GRIP1: variants seen among roughly 807,000 people sequenced by gnomAD.
GRIP1 encodes the protein glutamate receptor-interacting protein 1.
Under a neutral mutation model 129.9 loss-of-function variants are expected in GRIP1, and 45 were observed. The observed-to-expected ratio is 0.35, with a 90% CI of 0.27 to 0.44. The LOEUF is 0.44. Ranked by LOEUF, GRIP1 falls within the 20% of genes least tolerant of loss-of-function variation. The pLI is 1.00. For missense variants in GRIP1, 1,196 were observed against 1,396.8 expected (o/e 0.86, Z 2.29); for synonymous variants, 530 against 520.8 (o/e 1.02, Z -0.24).
At position 66,892,581 on chromosome 12, in the gene GRIP1, C is replaced by CTT. The variant is rs2040679466; in HGVS notation, c.58+176467_58+176468dup. On this transcript the variant is annotated intron_variant, in intron 1 of 1. Transcript: ENST00000643019. The stretch of plus-strand genomic sequence containing the variant: ...GTCTACCACTCTTTTCATTTACTCA[C>CTT]TTATATATATATATACACATATATA... 2.5e-5 allele frequency among the ~76,000 whole-genome samples: 3 copies of CTT among 122,444 alleles called. No individual in the cohort carries two copies. In the South Asian group the frequency reaches 8.4e-4, roughly 34 times the overall value. The allele number at this position is 122,444 out of a possible 152,430, so 80.3% of individuals were successfully genotyped here. A position where few individuals can be genotyped will look rare whatever the true frequency, so the allele number is the denominator to read the frequency against.
At chr12:66,477,486 T>A (rs1051187970) in intron 7 of GRIP1, among the ~76,000 whole-genome samples, 39 of 152,074 alleles carry the variant, frequency 2.6e-4, no homozygotes, top group African/African-American at 9.2e-4. Context: ...GCCATCCCCA[T>A]CAAGCTACCA....
chr12:66,817,919 A>G (rs2039252711), intron 1 of GRIP1, among the ~76,000 whole-genome samples: 1 of 152,184 alleles, frequency 6.6e-6, no homozygotes, highest in Admixed American at 6.5e-5. Flanking sequence ...TCTACATTCG[A>G]TCTGTTGCAA....
intron 1 of GRIP1, among the ~76,000 whole-genome samples, chr12:66,941,517 T>A (rs1366882981): frequency 6.6e-6 from 1 of 152,210 alleles, no homozygotes; most frequent in African/African-American, 2.4e-5. Flanking sequence ...CTGAGCTACA[T>A]AGCATAAATC....
At position 66,565,423 on chromosome 12, in the gene GRIP1, T is replaced by C. The variant is rs191311429; in HGVS notation, c.137-23473A>G. On this transcript the variant is annotated intron_variant, in intron 2 of 24. Coordinates refer to ENST00000359742, the MANE Select transcript of GRIP1 (RefSeq NM_001366722.1). ...TGTTTTTGTCAGGTTTGTCAAAGAT[T>C]AGATGATTGTAGATGTGTGGTACTA... 5.0e-3 allele frequency among the ~76,000 whole-genome samples: 767 copies of C among 152,198 alleles called. 7 individuals are homozygous for C. Among genetic ancestry groups the C allele is most frequent in the African/African-American group, 0.018 (734 of 41,546 alleles).
intron 1 of GRIP1, among the ~76,000 whole-genome samples, chr12:66,905,442 A>C (rs1281400215): frequency 3.3e-5 from 5 of 152,220 alleles, no homozygotes; most frequent in Admixed American, 6.5e-5. Flanking sequence ...GAGGATACTG[A>C]GAAACAGACA....
At chr12:66,604,900 T>G (rs1391253933) in intron 1 of GRIP1, among the ~76,000 whole-genome samples, 3 of 143,596 alleles carry the variant, frequency 2.1e-5, no homozygotes, top group African/African-American at 7.8e-5. Flanking sequence ...TGCTAGAACA[T>G]ATCCGAGTAT....
At chr12:66,597,365 G>A (rs1565897316) in intron 1 of GRIP1, among the ~76,000 whole-genome samples, 1 of 152,194 alleles carries the variant, frequency 6.6e-6, no homozygotes, top group African/African-American at 2.4e-5. Flanking sequence ...AAGTAAAAAG[G>A]AAGGTAATAT....
At chr12:67,029,531 A>G (rs544171315) in intron 1 of GRIP1, among the ~76,000 whole-genome samples, 1 of 146,580 alleles carries the variant, frequency 6.8e-6, no homozygotes, top group South Asian at 2.2e-4. Context: ...GTATGCTATG[A>G]CTGTGCTATT....
intron 8 of GRIP1, 131 bp downstream of exon 8, chr12:66,465,144 C>G (rs2059250873): frequency 1.1e-5 from 7 of 658,964 alleles, no homozygotes; most frequent in African/African-American, 1.8e-5. Context: ...TGGGGTTTCA[C>G]CATGTTGGCC....
intron 1 of GRIP1, among the ~76,000 whole-genome samples, chr12:67,051,749 T>C (rs1484346481): frequency 1.3e-5 from 2 of 152,376 alleles, no homozygotes; most frequent in East Asian, 1.9e-4. Context: ...CAGGTTAGGT[T>C]TGCCACAACC....
At chr12:66,645,001 A>G (rs915789732) in intron 1 of GRIP1, among the ~76,000 whole-genome samples, 1 of 152,234 alleles carries the variant, frequency 6.6e-6, no homozygotes, top group Non-Finnish European at 1.5e-5. Flanking sequence ...TCTACTAATA[A>G]AAATGAGTTA....
At chr12:66,940,442 A>T (rs1337283035) in intron 1 of GRIP1, among the ~76,000 whole-genome samples, 1 of 152,122 alleles carries the variant, frequency 6.6e-6, no homozygotes, top group African/African-American at 2.4e-5. Flanking sequence ...ACGGCCACCT[A>T]CACCCAAAAG....
intron 1 of GRIP1, among the ~76,000 whole-genome samples, chr12:66,992,723 C>G (rs1190345288): frequency 6.6e-6 from 1 of 152,074 alleles, no homozygotes; most frequent in African/African-American, 2.4e-5. Context: ...TATTTTCTGA[C>G]CACAGTGGAA....
At chr12:66,537,842 G>A (rs59245145) in intron 4 of GRIP1, among the ~76,000 whole-genome samples, 7,206 of 152,158 alleles carry the variant, frequency 0.047, 559 homozygotes, top group African/African-American at 0.16. Context: ...TGCCATTCCT[G>A]TAATGAGATA....
At chr12:66,646,705 C>A (rs1172120634) in intron 1 of GRIP1, among the ~76,000 whole-genome samples, 1 of 152,170 alleles carries the variant, frequency 6.6e-6, no homozygotes, top group African/African-American at 2.4e-5. Flanking sequence ...AGTTTTCATT[C>A]CCTTCACCTG....
At chr12:67,017,963 G>A (rs1404246468) in intron 1 of GRIP1, among the ~76,000 whole-genome samples, 1 of 152,198 alleles carries the variant, frequency 6.6e-6, no homozygotes, top group Non-Finnish European at 1.5e-5. Context: ...AATTGCTTAT[G>A]TGTTAGGCTA....
chr12:66,820,645 C>T (rs1372844569), intron 1 of GRIP1, among the ~76,000 whole-genome samples: 1 of 151,942 alleles, frequency 6.6e-6, no homozygotes, highest in Non-Finnish European at 1.5e-5. Flanking sequence ...AACTATGGTA[C>T]ATTCAGATAC....
chr12:66,756,033 T>C (rs2037277773), intron 1 of GRIP1, among the ~76,000 whole-genome samples: 1 of 152,174 alleles, frequency 6.6e-6, no homozygotes, highest in Admixed American at 6.5e-5. Flanking sequence ...CTTTTAAAAA[T>C]TATGGTAAAA....
chr12:66,693,925 T>C (rs2035064972), intron 1 of GRIP1, among the ~76,000 whole-genome samples: 1 of 152,234 alleles, frequency 6.6e-6, no homozygotes, highest in Non-Finnish European at 1.5e-5. Context: ...TTGGCATCTT[T>C]ATAACAAAAC....
Sources: allele counts gnomAD v4.1 joint callset (sites outside exome capture counted in the v4.1 genomes callset), GRCh38; gene constraint gnomAD v4.1.1; transcripts MANE v1.5; gene names NCBI Gene and HGNC (gene_info 2026-07-23, HGNC 2026-07-21).